The following GLIS3 variants were observed in gnomAD, a reference collection of about 807,000 sequenced individuals.
GLIS3 encodes GLIS family zinc finger 3, also known as zinc finger protein GLIS3.
A neutral mutation model predicts 78.6 loss-of-function variants in GLIS3; 53 were observed. The observed-to-expected ratio is 0.67, with a 90% CI of 0.54 to 0.85. The LOEUF (loss-of-function observed/expected upper bound fraction) is 0.85, where lower values mean the gene tolerates loss of function less well. GLIS3 is among the 40% of genes least tolerant of loss of function. GLIS3 has a pLI of 0.00. For missense variants in GLIS3, 1,703 were observed against 1,231.1 expected, an observed-to-expected ratio of 1.38 and a Z score of -5.74; for synonymous variants, 684 against 509.9, an observed-to-expected ratio of 1.34 and a Z score of -4.60.
At chr9:4,066,852 A>G (rs903227769) in intron 4 of GLIS3, among the ~76,000 whole-genome samples, 11 of 152,144 alleles carry the variant, frequency 7.2e-5, no homozygotes, top group African/African-American at 2.7e-4. Flanking sequence ...GCCCAGTGGC[A>G]CTTACGGTGC....
At chr9:3,863,499 G>C (rs1163160390) in intron 8 of GLIS3, among the ~76,000 whole-genome samples, 1 of 152,208 alleles carries the variant, frequency 6.6e-6, no homozygotes, top group Non-Finnish European at 1.5e-5. Context: ...TAGTCCAAGA[G>C]CCTAATCTGT....
chr9:4,372,958 G>C, the GLIS3 span, among the ~76,000 whole-genome samples: 2 of 152,160 alleles, frequency 1.3e-5, no homozygotes, highest in Non-Finnish European at 2.9e-5. Context: ...CTACCTCAGG[G>C]CCTTGTGCAG....
the GLIS3 span, among the ~76,000 whole-genome samples, chr9:4,366,932 A>G: frequency 2.1e-5 from 3 of 145,792 alleles, no homozygotes; most frequent in Non-Finnish European, 4.6e-5. Context: ...GTGGTCGAGC[A>G]CAATGGCTAA....
At chr9:3,992,504 C>G (rs1014474282) in intron 4 of GLIS3, among the ~76,000 whole-genome samples, 3 of 152,172 alleles carry the variant, frequency 2.0e-5, no homozygotes, top group Admixed American at 6.5e-5. Context: ...AAAGCAAATC[C>G]TCAGCGTAAA....
intron 2 of GLIS3, among the ~76,000 whole-genome samples, chr9:4,205,748 A>T (rs1372138233): frequency 1.3e-5 from 2 of 152,234 alleles, no homozygotes; most frequent in African/African-American, 4.8e-5. Context: ...TGATTGTTTA[A>T]GCCAGTTAAA....
chr9:4,229,743 T>C (rs1244154877), intron 2 of GLIS3, among the ~76,000 whole-genome samples: 1 of 152,238 alleles, frequency 6.6e-6, no homozygotes, highest in African/African-American at 2.4e-5. Flanking sequence ...ATGAAGCTCT[T>C]TCAGCTATTT....
In GLIS3 at chr9:4,232,253, C is replaced by G. The variant is rs541108453; in HGVS notation, c.388+53785G>C. On this transcript the variant is annotated intron_variant, in intron 2 of 10. Transcript: ENST00000381971. Reference sequence around the variant, plus strand: ...AATTAGCCAGGCATGGTGGCATGCACCTCTGTAGTACCAGCTATTTGAGAT... The same window carrying G: ...AATTAGCCAGGCATGGTGGCATGCAGCTCTGTAGTACCAGCTATTTGAGAT... Among the ~76,000 whole-genome samples, 27 of 151,894 alleles carry G rather than the reference C, an allele frequency of 1.8e-4. 1 individual carries two copies. Among genetic ancestry groups the G allele is most frequent in the African/African-American group, 6.5e-4 (27 of 41,426 alleles).
At chr9:4,182,376 T>A (rs564238922) in intron 2 of GLIS3, among the ~76,000 whole-genome samples, 1 of 152,340 alleles carries the variant, frequency 6.6e-6, no homozygotes, top group South Asian at 2.1e-4. Context: ...CTGCATGGCT[T>A]TGAGAAATAC....
chr9:4,087,495 C>G (rs978305794), intron 4 of GLIS3, among the ~76,000 whole-genome samples: 8 of 152,138 alleles, frequency 5.3e-5, no homozygotes, highest in Non-Finnish European at 1.0e-4. Context: ...GGCCTCCCTC[C>G]TCCAGTGAAA....
intron 2 of GLIS3, among the ~76,000 whole-genome samples, chr9:4,213,555 T>G (rs989627803): frequency 3.3e-5 from 5 of 152,192 alleles, no homozygotes; most frequent in African/African-American, 1.2e-4. Flanking sequence ...ATTAAGAAAT[T>G]GAATTTTTAA....
chr9:3,835,837 C>T (rs1342200441), intron 9 of GLIS3, among the ~76,000 whole-genome samples: 1 of 152,240 alleles, frequency 6.6e-6, no homozygotes, highest in Non-Finnish European at 1.5e-5. Context: ...CAACTATTCA[C>T]TAAGCACTTA....
At chr9:3,991,245 G>A (rs1206766679) in intron 4 of GLIS3, among the ~76,000 whole-genome samples, 2 of 152,058 alleles carry the variant, frequency 1.3e-5, no homozygotes, top group Admixed American at 6.5e-5. Flanking sequence ...TGTACAAATG[G>A]GTACAATAGT....
At chr9:4,334,131 T>A (rs1456036055) in intron 2 of GLIS3, among the ~76,000 whole-genome samples, 1 of 152,074 alleles carries the variant, frequency 6.6e-6, no homozygotes, top group Non-Finnish European at 1.5e-5. Context: ...AGCAGTGAGA[T>A]CTCATAAAAA....
intron 2 of GLIS3, among the ~76,000 whole-genome samples, chr9:4,184,422 G>A (rs549096650): frequency 1.3e-5 from 2 of 152,146 alleles, no homozygotes; most frequent in African/African-American, 4.8e-5. Flanking sequence ...AGCTGTATTC[G>A]AATACCCCCA....
upstream of GLIS3, among the ~76,000 whole-genome samples, chr9:4,302,927 G>A (rs1041750033): frequency 3.3e-5 from 5 of 152,142 alleles, no homozygotes; most frequent in Non-Finnish European, 5.9e-5. Flanking sequence ...GATAAGCAAA[G>A]GAGACCATTT....
chr9:4,025,470 C>G (rs1002955863), intron 4 of GLIS3, among the ~76,000 whole-genome samples: 12 of 152,194 alleles, frequency 7.9e-5, no homozygotes, highest in African/African-American at 2.6e-4. Context: ...TCACCGCAAC[C>G]TCCGACTCCC....
At chr9:4,400,755 G>C in the GLIS3 span, among the ~76,000 whole-genome samples, 2 of 152,188 alleles carry the variant, frequency 1.3e-5, no homozygotes, top group East Asian at 3.9e-4. Context: ...TCTGGGCAGA[G>C]TCATGAGGAC....
intron 5 of GLIS3, among the ~76,000 whole-genome samples, chr9:3,935,396 A>G (rs1429994109): frequency 1.3e-5 from 2 of 152,070 alleles, no homozygotes; most frequent in Admixed American, 6.5e-5. Flanking sequence ...AAATCAGGAA[A>G]CCACTATATT....
At chr9:3,927,814 G>A (rs1257839436) in intron 6 of GLIS3, among the ~76,000 whole-genome samples, 2 of 152,160 alleles carry the variant, frequency 1.3e-5, no homozygotes, top group Admixed American at 6.5e-5. Flanking sequence ...CTACCTAAAA[G>A]GGAAGCCTCC....
Sources: gnomAD v4.1 joint callset for allele counts (sites outside exome capture counted in the v4.1 genomes callset) on GRCh38, gnomAD v4.1.1 for gene constraint, MANE v1.5 for transcripts, NCBI Gene and HGNC (gene_info 2026-07-23, HGNC 2026-07-21) for gene names.